Variants in MAP2K5 observed in about 807,000 individuals in gnomAD.
The protein encoded by MAP2K5 is mitogen-activated protein kinase kinase 5, also known as dual specificity mitogen-activated protein kinase kinase 5.
Under a neutral mutation model 83.1 loss-of-function variants are expected in MAP2K5, and 49 were observed. The observed-to-expected ratio is 0.59, with a 90% CI of 0.47 to 0.75. MAP2K5 has a LOEUF of 0.75. Ranked by LOEUF, MAP2K5 falls within the 30% of genes least tolerant of loss-of-function variation. MAP2K5 has a pLI of 0.00. For synonymous variants in MAP2K5, 202 were observed against 191.8 expected, an observed-to-expected ratio of 1.05 and a Z score of -0.44; for missense variants, 457 against 557.5, an observed-to-expected ratio of 0.82 and a Z score of 1.82.
intron 16 of MAP2K5, chr15:67,718,042 A>G (rs1287488107): frequency 6.6e-6 from 1 of 152,234 alleles, no homozygotes; most frequent in Non-Finnish European, 1.5e-5. Context: ...AAGTGCTGGT[A>G]TCTAAGTTAA....
In MAP2K5 at chr15:67,672,332, C is replaced by T. The variant is rs1434857426; in HGVS notation, c.847+7687C>T. Among the ~76,000 whole-genome samples, 58 of 152,034 alleles carry T rather than the reference C, an allele frequency of 3.8e-4. No individual in the cohort carries two copies. The East Asian group carries it at 9.1e-3, about 24-fold the overall frequency. On this transcript the variant is annotated intron_variant, in intron 13 of 21. Transcript: ENST00000178640. ...CATCCTCTCCAGCACCTGTTGTTTC[C>T]TGACTTTTTAATGATCGCCATTCTA...
At chr15:67,596,441 C>T (rs1017397663) in intron 7 of MAP2K5, among the ~76,000 whole-genome samples, 1 of 151,870 alleles carries the variant, frequency 6.6e-6, no homozygotes, top group Non-Finnish European at 1.5e-5. Context: ...AACAGGAAAA[C>T]CTTTTTGTAT....
intron 7 of MAP2K5, among the ~76,000 whole-genome samples, chr15:67,594,286 T>C (rs1233368137): frequency 1.3e-5 from 2 of 152,350 alleles, no homozygotes; most frequent in Admixed American, 1.3e-4. Flanking sequence ...CAGTGCCTTA[T>C]ATTTTGTTAG....
At chr15:67,546,576 A>G in intron 1 of MAP2K5, 3 of 985,408 alleles carry the variant, frequency 3.0e-6, no homozygotes, top group Non-Finnish European at 3.6e-6. Context: ...GGCTGACCTG[A>G]CCCTCAAAGG....
At chr15:67,743,307 CT>C (rs1227323801) in intron 17 of MAP2K5, among the ~76,000 whole-genome samples, 1 of 152,240 alleles carries the variant, frequency 6.6e-6, no homozygotes. Flanking sequence ...CTTCCTGTGA[CT>C]TTTTTAGGTC....
intron 2 of MAP2K5, among the ~76,000 whole-genome samples, chr15:67,560,448 C>G (rs934073600): frequency 2.6e-5 from 4 of 152,370 alleles, no homozygotes; most frequent in Middle Eastern, 3.4e-3. Context: ...CTATATAAAG[C>G]TAGGTATCCT....
chr15:67,609,620 T>A (rs71409162), intron 8 of MAP2K5, among the ~76,000 whole-genome samples: 1 of 42,478 alleles, frequency 2.4e-5, no homozygotes, highest in Admixed American at 2.5e-4. Context: ...GGTCTGTAGA[T>A]TCTGTAGACC....
intron 16 of MAP2K5, among the ~76,000 whole-genome samples, chr15:67,704,745 A>G (rs1215254711): frequency 1.3e-5 from 2 of 152,224 alleles, no homozygotes; most frequent in African/African-American, 2.4e-5. Context: ...TTATTCTATT[A>G]GCCTGTTTCA....
At chr15:67,663,381 T>C (rs971995760) in intron 12 of MAP2K5, among the ~76,000 whole-genome samples, 2 of 152,188 alleles carry the variant, frequency 1.3e-5, no homozygotes, top group Non-Finnish European at 2.9e-5. Flanking sequence ...TTTCCTTACT[T>C]TGATATTTTG....
At position 67,769,408 on chromosome 15, in the gene MAP2K5, A is replaced by G. The variant is rs2090099645; in HGVS notation, c.1135-194A>G. On this transcript the variant is annotated intron_variant, in intron 19 of 21. Transcript: ENST00000178640. This position sits in a 1 kb window ranked among gnomAD's most constrained non-coding sequence, Gnocchi z 5.2. ...GCTCTCATGTTTCTCACCATTGTAA[A>G]ATATGTGTGGCTTTAAATTTGGCAT... 6.6e-6 allele frequency among the ~76,000 whole-genome samples: 1 copy of G among 152,108 alleles called. No individual in the cohort carries two copies. Among genetic ancestry groups the G allele is most frequent in the Non-Finnish European group, 1.5e-5 (1 of 68,026 alleles).
rs2089816125 is a variant in MAP2K5, at chr15:67,755,499, A to G, written c.1134+6898A>G. Among the ~76,000 whole-genome samples, 1 of 152,138 alleles carries G rather than the reference A, an allele frequency of 6.6e-6. No individual in the cohort carries two copies. The highest frequency in any genetic ancestry group is 1.5e-5 in the Non-Finnish European group (1 of 68,016). On this transcript the variant is annotated intron_variant, in intron 19 of 21. Transcript: ENST00000178640. The surrounding 1 kb of genome is among the most constrained non-coding windows in gnomAD (Gnocchi z 4.7). Reference sequence around the variant, plus strand: ...CACTGAGCATCCGGCCTGGGCTGGCATCAAACAGTGCCTCCTTCCACCACT... The same window carrying G: ...CACTGAGCATCCGGCCTGGGCTGGCGTCAAACAGTGCCTCCTTCCACCACT...
Position 67,563,823 on chromosome 15 carries a change from C to T in MAP2K5, c.252+473C>T, listed in dbSNP as rs553097203. Among the ~76,000 whole-genome samples, 9 of 152,056 alleles carry T rather than the reference C, an allele frequency of 5.9e-5. No homozygotes were observed. The South Asian group carries it at 8.4e-4, about 14-fold the overall frequency. On this transcript the variant is annotated intron_variant, in intron 3 of 21. Transcript: ENST00000178640. This position sits in a 1 kb window ranked among gnomAD's most constrained non-coding sequence, Gnocchi z 4.5. Reference sequence around the variant, plus strand: ...TATGCACTACCCATAATACTCCCACCGAAAATGAACTACAGGGCTACTTAC... The same window carrying T: ...TATGCACTACCCATAATACTCCCACTGAAAATGAACTACAGGGCTACTTAC...
At chr15:67,614,146 C>T (rs1311576329) in intron 8 of MAP2K5, among the ~76,000 whole-genome samples, 7 of 152,180 alleles carry the variant, frequency 4.6e-5, no homozygotes. Flanking sequence ...AGATCTACTT[C>T]CCACTCCAGT....
rs1209162090 is a variant in MAP2K5, at chr15:67,644,122, G to A, written c.586-2109G>A. On this transcript the variant is annotated intron_variant, in intron 9 of 21. Transcript: ENST00000178640. The surrounding 1 kb of genome is among the most constrained non-coding windows in gnomAD (Gnocchi z 4.6). ...TAAAAGTAAAAAACAAGCTGGGCACGGTGGCTCACGCCTGTAATCCCAGCA... is the reference window on the plus strand; with the variant it reads ...TAAAAGTAAAAAACAAGCTGGGCACAGTGGCTCACGCCTGTAATCCCAGCA... Among the ~76,000 whole-genome samples the A allele has an allele frequency of 2.0e-5, 3 of 152,136 alleles. No homozygotes were observed. Among genetic ancestry groups the A allele is most frequent in the African/African-American group, 4.8e-5 (2 of 41,432 alleles).
At chr15:67,682,636 A>T (rs1374793363) in intron 13 of MAP2K5, among the ~76,000 whole-genome samples, 1 of 151,306 alleles carries the variant, frequency 6.6e-6, no homozygotes, top group Non-Finnish European at 1.5e-5. Flanking sequence ...GATCAAGACC[A>T]TCCTGGCTAA....
At chr15:67,629,203 C>T in intron 8 of MAP2K5, 1 of 653,508 alleles carries the variant, frequency 1.5e-6, no homozygotes, top group Non-Finnish European at 2.8e-6. Flanking sequence ...CTACAGGTTA[C>T]AACAGATTTG....
chr15:67,753,961 C>T (rs1416090904), intron 19 of MAP2K5, among the ~76,000 whole-genome samples: 1 of 152,212 alleles, frequency 6.6e-6, no homozygotes, highest in Admixed American at 6.5e-5. Flanking sequence ...TCCAGAAGTT[C>T]ACATTGGACT....
At position 67,783,664 on chromosome 15, in the gene MAP2K5, T is replaced by C. The variant is rs1399986092; in HGVS notation, c.1242+10912T>C. Among the ~76,000 whole-genome samples, 2 of 152,214 alleles carry C rather than the reference T, an allele frequency of 1.3e-5. No homozygotes were observed. ...AGGAAGAGATCATGTCTTATCTTTG[T>C]ATCCTTAGCATCTAGCCCAGTCTCC... On this transcript the variant is annotated intron_variant, in intron 21 of 21. Transcript: ENST00000178640. The surrounding 1 kb of genome is among the most constrained non-coding windows in gnomAD (Gnocchi z 5.1).
rs55877854 is a variant in MAP2K5 at position 67,806,713 on chromosome 15, C to T, written c.1310C>T (p.Ala437Val). The T allele has an allele frequency of 1.7e-5, 26 of 1,552,176 alleles. No homozygotes were observed. The highest frequency in any genetic ancestry group is 1.5e-4 in the African/African-American group (11 of 73,314). The change falls in exon 22 of 22, where the codon GCG becomes GTG. Residue 437 changes from alanine to valine, a missense_variant. Physicochemically the swap from Ala to Val is moderately conservative, Grantham distance 64. Around this residue, in one of 3 missense-constraint regions of MAP2K5, gnomAD observed 55 missense variants for 50.9 expected, o/e 1.08. Coordinates refer to ENST00000178640, the MANE Select transcript of MAP2K5 (RefSeq NM_145160.3). ...GTGGTGTCCATGTGGGTGTGCCGGG[C>T]GCTGGAGGAGAGGCGGAGCCAGCAG... ...AAVVSMWVCR[A>V]LEERRSQQGP...
Sources: gnomAD v4.1 joint callset for allele counts (sites outside exome capture counted in the v4.1 genomes callset) on GRCh38, gnomAD v4.1.1 for gene constraint, gnomAD v4.1.1 regional missense constraint, Gnocchi (gnomAD v3.1) non-coding constraint, MANE v1.5 for transcripts, NCBI Gene and HGNC (gene_info 2026-07-23, HGNC 2026-07-21) for gene names.